CAV1: variants seen among roughly 807,000 people sequenced by gnomAD.
CAV1 encodes caveolin 1.
In CAV1, 10 loss-of-function variants were observed where a neutral mutation model predicts 16.5. The ratio of observed to expected loss-of-function variants is 0.61; its 90% confidence interval spans 0.37 to 1.03. CAV1 has a LOEUF of 1.03. Among genes scored for constraint, CAV1 ranks in the 50% least tolerant of loss-of-function variants. The pLI is 0.01. For missense variants in CAV1, 212 were observed against 232.8 expected (o/e 0.91, Z 0.58); for synonymous variants, 76 against 85.1 (o/e 0.89, Z 0.59).
At chr7:116,547,158 A>G (rs1282855408) in intron 2 of CAV1, among the ~76,000 whole-genome samples, 1 of 152,140 alleles carries the variant, frequency 6.6e-6, no homozygotes, top group East Asian at 1.9e-4. Flanking sequence ...CACTAACTAC[A>G]TCTGCAATGA....
intron 2 of CAV1, among the ~76,000 whole-genome samples, chr7:116,555,617 A>AGAAG (rs1341403114): frequency 8.3e-6 from 1 of 120,582 alleles, no homozygotes; most frequent in African/African-American, 2.8e-5. Context: ...AAAGAAAGAA[A>AGAAG]GAAGGGAGGG....
chr7:116,558,243 T>C (rs556693851), intron 2 of CAV1, among the ~76,000 whole-genome samples: 1 of 152,324 alleles, frequency 6.6e-6, no homozygotes, highest in East Asian at 1.9e-4. Context: ...AGTTAAATTA[T>C]GTCATGTTCC....
chr7:116,555,584 GAAAGAAAGAA>G (rs1562838580), intron 2 of CAV1, among the ~76,000 whole-genome samples: 4 of 71,192 alleles, frequency 5.6e-5, no homozygotes, highest in African/African-American at 2.3e-4. Context: ...AAGAAAGAAA[GAAAGAAAGAA>G]AGAAAGAAAG....
At chr7:116,531,999 C>T (rs1793695350) in intron 2 of CAV1, among the ~76,000 whole-genome samples, 1 of 152,176 alleles carries the variant, frequency 6.6e-6, no homozygotes, top group Non-Finnish European at 1.5e-5. Flanking sequence ...CCCAAAATTA[C>T]ATACATTTTA....
At chr7:116,547,899 T>A (rs969537565) in intron 2 of CAV1, among the ~76,000 whole-genome samples, 1 of 152,182 alleles carries the variant, frequency 6.6e-6, no homozygotes, top group Non-Finnish European at 1.5e-5. Context: ...CAAAGAGGTT[T>A]AGTAGTTTAG....
intron 2 of CAV1, among the ~76,000 whole-genome samples, chr7:116,528,805 CT>C (rs1301637844): frequency 2.0e-5 from 3 of 151,954 alleles, no homozygotes; most frequent in Non-Finnish European, 4.4e-5. Flanking sequence ...ACAACATAGA[CT>C]TTTTTTATTT....
At chr7:116,525,619 G>A (rs376559796) in intron 1 of CAV1, 4 of 1,138,390 alleles carry the variant, frequency 3.5e-6, no homozygotes, top group Admixed American at 8.8e-5. Context: ...GCATCTTGGC[G>A]TCTGGCAGGG....
intron 2 of CAV1, among the ~76,000 whole-genome samples, chr7:116,530,696 G>A (rs1793671130): frequency 6.6e-6 from 1 of 152,188 alleles, no homozygotes; most frequent in African/African-American, 2.4e-5. Flanking sequence ...AGTTGTAGTA[G>A]CTCAATCAGA....
At chr7:116,553,513 C>T (rs1794204564) in intron 2 of CAV1, among the ~76,000 whole-genome samples, 1 of 152,052 alleles carries the variant, frequency 6.6e-6, no homozygotes, top group Non-Finnish European at 1.5e-5. Flanking sequence ...CATAATACTT[C>T]CCTCCAGAAG....
intron 2 of CAV1, among the ~76,000 whole-genome samples, chr7:116,537,391 A>G (rs1793845889): frequency 6.6e-6 from 1 of 152,156 alleles, no homozygotes; most frequent in African/African-American, 2.4e-5. Flanking sequence ...AGCACTCCCT[A>G]TAGGCTGACT....
In CAV1 at chr7:116,559,170, G is replaced by C. The variant is rs1048225949; in HGVS notation, c.420G>C (p.Glu140Asp). 1 of 1,613,974 alleles carries C rather than the reference G, an allele frequency of 6.2e-7. No homozygotes were observed. The change falls in exon 3 of 3, where the codon GAG becomes GAC. Residue 140 changes from glutamate to aspartate, a missense_variant. Physicochemically the swap from Glu to Asp is conservative, Grantham distance 45. Transcript: ENST00000341049. Reference sequence around the variant, plus strand: ...CATGCATTAAGAGCTTCCTGATTGAGATTCAGTGCATCAGCCGTGTCTATT... The same window carrying C: ...CATGCATTAAGAGCTTCCTGATTGACATTCAGTGCATCAGCCGTGTCTATT... ...VVPCIKSFLI[E>D]IQCISRVYSI...
intron 2 of CAV1, among the ~76,000 whole-genome samples, chr7:116,543,714 G>C (rs1793984238): frequency 6.6e-6 from 1 of 152,202 alleles, no homozygotes; most frequent in African/African-American, 2.4e-5. Context: ...ACTTTAGTTA[G>C]AGCAGTGGCC....
rs532717248 is a variant in CAV1, at chr7:116,559,421, C to T, written c.*134C>T. On this transcript the variant is annotated 3_prime_UTR_variant, in exon 3 of 3. Coordinates refer to ENST00000341049, the MANE Select transcript of CAV1 (RefSeq NM_001753.5). ...ATCTTGGTTGAAAATAAAAAGATCACTTTCTCAGTTTTCATAAGTATTATG... is the reference window on the plus strand; with the variant it reads ...ATCTTGGTTGAAAATAAAAAGATCATTTTCTCAGTTTTCATAAGTATTATG... The T allele has an allele frequency of 1.1e-4, 73 of 689,826 alleles. No individual in the cohort carries two copies. In the East Asian group the frequency reaches 1.7e-3, roughly 16 times the overall value. 42.7% of individuals were successfully genotyped at this position (689,826 alleles called of 1,614,324 possible). A position where few individuals can be genotyped will look rare whatever the true frequency, so the allele number is the denominator to read the frequency against.
At chr7:116,527,040 T>G in intron 2 of CAV1, 8 of 352,152 alleles carry the variant, frequency 2.3e-5, no homozygotes, top group Non-Finnish European at 2.8e-5. Context: ...TTCCTATCCA[T>G]TCCCAGGTTG....
chr7:116,557,492 T>C (rs1055792237), intron 2 of CAV1, among the ~76,000 whole-genome samples: 8 of 152,210 alleles, frequency 5.3e-5, no homozygotes, highest in African/African-American at 1.9e-4. Flanking sequence ...GGCTCTGTCC[T>C]ACCTTTCTGT....
chr7:116,552,702 A>G (rs1414905511), intron 2 of CAV1, among the ~76,000 whole-genome samples: 1 of 152,218 alleles, frequency 6.6e-6, no homozygotes, highest in Admixed American at 6.5e-5. Flanking sequence ...GAGTCATGCC[A>G]TATGCCTCTG....
chr7:116,534,385 ATATATATATATTTT>A (rs1562829997), intron 2 of CAV1, among the ~76,000 whole-genome samples: 1 of 9,152 alleles, frequency 1.1e-4, no homozygotes, highest in African/African-American at 3.2e-4. Flanking sequence ...ATATATATAT[ATATATATATATTTT>A]TTTTTTTTTT....
chr7:116,534,591 A>G lies in CAV1; in HGVS notation c.195+7902A>G, dbSNP rs1367833293. 2.7e-5 allele frequency among the ~76,000 whole-genome samples: 4 copies of G among 150,448 alleles called. No individual in the cohort carries two copies. The South Asian group carries it at 8.5e-4, about 32-fold the overall frequency. ...ATTTTTTCTATTTTTTAGTAGAGAC[A>G]GGGTGTCACCGTGTTAGCCAGGATG... On this transcript the variant is annotated intron_variant, in intron 2 of 2. Transcript: ENST00000341049.
chr7:116,540,360 G>A (rs757948635), intron 2 of CAV1, among the ~76,000 whole-genome samples: 91 of 152,154 alleles, frequency 6.0e-4, no homozygotes, highest in Admixed American at 1.5e-3. Context: ...TCCTTCTTTT[G>A]CCTCCTATAA....
Sources: gnomAD v4.1 joint callset for allele counts (sites outside exome capture counted in the v4.1 genomes callset) on GRCh38, gnomAD v4.1.1 for gene constraint, MANE v1.5 for transcripts, NCBI Gene and HGNC (gene_info 2026-07-23, HGNC 2026-07-21) for gene names.